The following HS2ST1 variants were observed in gnomAD, a reference collection of about 807,000 sequenced individuals.
The protein encoded by HS2ST1 is heparan sulfate 2-O-sulfotransferase 1.
A neutral mutation model predicts 42.9 loss-of-function variants in HS2ST1; 18 were observed. That is an observed-to-expected ratio of 0.42 (90% CI 0.29 to 0.62). The LOEUF is 0.62. Ranked by LOEUF, HS2ST1 falls within the 20% of genes least tolerant of loss-of-function variation. HS2ST1 has a pLI of 0.21. For missense variants in HS2ST1, 334 were observed against 433.8 expected, an observed-to-expected ratio of 0.77 and a Z score of 2.04; for synonymous variants, 146 against 152.9, an observed-to-expected ratio of 0.95 and a Z score of 0.33.
intron 6 of HS2ST1, 52 bp from the exon 7 acceptor site, chr1:87,104,418 T>G: frequency 8.8e-7 from 1 of 1,139,700 alleles, no homozygotes; most frequent in African/African-American, 1.5e-5. Flanking sequence ...TGATCTTTTG[T>G]GTGTTCTCCA....
At chr1:87,035,473 C>T (rs1650349688) in intron 1 of HS2ST1, among the ~76,000 whole-genome samples, 1 of 152,096 alleles carries the variant, frequency 6.6e-6, no homozygotes, top group African/African-American at 2.4e-5. Flanking sequence ...AGTTCATGGC[C>T]TAGAAGATTT....
intron 1 of HS2ST1, among the ~76,000 whole-genome samples, chr1:86,954,819 G>A (rs1322230239): frequency 6.6e-6 from 1 of 152,154 alleles, no homozygotes; most frequent in Non-Finnish European, 1.5e-5. Flanking sequence ...TATCAGAATA[G>A]AAAGGCCAGA....
At chr1:86,997,422 T>C (rs1041881342) in intron 1 of HS2ST1, among the ~76,000 whole-genome samples, 1 of 152,188 alleles carries the variant, frequency 6.6e-6, no homozygotes, top group Non-Finnish European at 1.5e-5. Flanking sequence ...AACTAGTAAT[T>C]GGTACACTGA....
intron 1 of HS2ST1, among the ~76,000 whole-genome samples, chr1:86,979,381 CT>C: frequency 1.3e-5 from 2 of 152,278 alleles, no homozygotes; most frequent in East Asian, 3.9e-4. Context: ...CCCCCAGCCC[CT>C]GGGTAACCAC....
chr1:86,933,815 G>A (rs991623072), intron 1 of HS2ST1, among the ~76,000 whole-genome samples: 3 of 150,816 alleles, frequency 2.0e-5, no homozygotes, highest in African/African-American at 7.3e-5. Context: ...GAGTTAGGCT[G>A]TGTTTACTGT....
intron 1 of HS2ST1, among the ~76,000 whole-genome samples, chr1:86,953,755 G>A (rs183051579): frequency 9.9e-5 from 15 of 151,780 alleles, no homozygotes; most frequent in Admixed American, 7.9e-4. Context: ...TGAGACTCCC[G>A]TCTCAAAAAA....
intron 1 of HS2ST1, among the ~76,000 whole-genome samples, chr1:86,985,551 T>TACACAC (rs1470534986): frequency 7.9e-5 from 3 of 37,776 alleles, no homozygotes; most frequent in African/African-American, 1.4e-4. Flanking sequence ...CACACATATA[T>TACACAC]ATACACACAC....
intron 4 of HS2ST1, among the ~76,000 whole-genome samples, chr1:87,093,344 T>C (rs1398102095): frequency 6.6e-6 from 1 of 152,084 alleles, no homozygotes; most frequent in Non-Finnish European, 1.5e-5. Context: ...CCTCTGAACT[T>C]ATTGCTTAAG....
At chr1:87,063,359 CAA>C (rs1168877339) in intron 1 of HS2ST1, among the ~76,000 whole-genome samples, 1 of 152,102 alleles carries the variant, frequency 6.6e-6, no homozygotes, top group East Asian at 1.9e-4. Context: ...TTTTTTGAGA[CAA>C]AGTCTCGCTC....
intron 1 of HS2ST1, among the ~76,000 whole-genome samples, chr1:87,071,216 A>G (rs184911593): frequency 3.3e-5 from 5 of 152,298 alleles, no homozygotes; most frequent in South Asian, 4.1e-4. Context: ...AGTGTATTCT[A>G]TATAACATGG....
intron 1 of HS2ST1, among the ~76,000 whole-genome samples, chr1:87,021,911 C>G (rs1649964069): frequency 6.6e-6 from 1 of 152,068 alleles, no homozygotes; most frequent in Admixed American, 6.6e-5. Flanking sequence ...TATTTTATGC[C>G]AAATTAGAAA....
At chr1:86,996,714 T>C (rs767878035) in intron 1 of HS2ST1, among the ~76,000 whole-genome samples, 1 of 152,146 alleles carries the variant, frequency 6.6e-6, no homozygotes, top group African/African-American at 2.4e-5. Context: ...GACAGCAGAA[T>C]TGGAATTCCA....
chr1:86,992,912 A>C, intron 1 of HS2ST1: 1 of 600,384 alleles, frequency 1.7e-6, no homozygotes, highest in East Asian at 2.9e-5. Flanking sequence ...AATAAGATAA[A>C]AAGTATGAGC....
intron 1 of HS2ST1, among the ~76,000 whole-genome samples, chr1:87,004,347 CGCCACTGTGCTCCA>C (rs1557512231): frequency 6.6e-6 from 1 of 152,116 alleles, no homozygotes; most frequent in African/African-American, 2.4e-5. Context: ...GCCGAGATCA[CGCCACTGTGCTCCA>C]GCCTGGGCGA....
intron 1 of HS2ST1, among the ~76,000 whole-genome samples, chr1:86,935,729 G>T (rs1660633940): frequency 6.6e-6 from 1 of 151,984 alleles, no homozygotes; most frequent in South Asian, 2.1e-4. Flanking sequence ...CTCCTAAAGT[G>T]CTGGAATTAC....
chr1:87,019,372 G>A (rs575911967), intron 1 of HS2ST1, among the ~76,000 whole-genome samples: 8 of 152,226 alleles, frequency 5.3e-5, no homozygotes, highest in East Asian at 3.9e-4. Context: ...CACTTGATCC[G>A]TTAAAACTAT....
At chr1:86,919,643 G>T (rs1049432921) in intron 1 of HS2ST1, among the ~76,000 whole-genome samples, 2 of 152,112 alleles carry the variant, frequency 1.3e-5, no homozygotes, top group African/African-American at 4.8e-5. Context: ...AGGCTTCAAG[G>T]TATCAGTGAA....
intron 1 of HS2ST1, among the ~76,000 whole-genome samples, chr1:87,069,267 C>G (rs140077645): frequency 5.5e-4 from 83 of 152,278 alleles, no homozygotes; most frequent in African/African-American, 1.9e-3. Flanking sequence ...CAATTTATTA[C>G]TCAAAGATGA....
chr1:86,993,174 T>G (rs1649008393), intron 1 of HS2ST1: 2 of 1,574,796 alleles, frequency 1.3e-6, no homozygotes, highest in Non-Finnish European at 1.7e-6. Context: ...TCAACTGACT[T>G]TCATTTCAAA....
Sources: gnomAD v4.1 joint callset for allele counts (sites outside exome capture counted in the v4.1 genomes callset) on GRCh38, gnomAD v4.1.1 for gene constraint, MANE v1.5 for transcripts, NCBI Gene and HGNC (gene_info 2026-07-23, HGNC 2026-07-21) for gene names.